The following RAPH1 variants were observed in gnomAD, a reference collection of about 807,000 sequenced individuals.
RAPH1 encodes ras-associated and pleckstrin homology domains-containing protein 1.
RAPH1 carries 18 observed loss-of-function variants against 88.1 expected under a neutral mutation model. That is an observed-to-expected ratio of 0.20 (90% confidence interval 0.14 to 0.30). The LOEUF is 0.30. Ranked by LOEUF, RAPH1 falls within the 10% of genes least tolerant of loss-of-function variation. The pLI is 1.00. For missense variants in RAPH1, 1,448 were observed against 1,543.2 expected (o/e 0.94, Z 1.03); for synonymous variants, 587 against 559.0 (o/e 1.05, Z -0.71).
chr2:203,453,200 G>C (rs2098516275), intron 10 of RAPH1, among the ~76,000 whole-genome samples: 1 of 152,018 alleles, frequency 6.6e-6, no homozygotes, highest in South Asian at 2.1e-4. Context: ...GCACCTAAAG[G>C]TACCTAAAAT....
At chr2:203,510,616 C>G (rs1689292378) in intron 1 of RAPH1, among the ~76,000 whole-genome samples, 1 of 151,934 alleles carries the variant, frequency 6.6e-6, no homozygotes, top group African/African-American at 2.4e-5. Flanking sequence ...AGGGGTCAGG[C>G]AGCCAATATA....
intron 4 of RAPH1, among the ~76,000 whole-genome samples, chr2:203,476,123 A>G (rs770215627): frequency 6.6e-6 from 1 of 152,312 alleles, no homozygotes; most frequent in Non-Finnish European, 1.5e-5. Flanking sequence ...AACCAAAAAT[A>G]TCCAAAATTT....
Position 203,438,914 on chromosome 2 carries a change from A to G in RAPH1, c.*523T>C, listed in dbSNP as rs533178542. Reference sequence around the variant, plus strand: ...CAATTCTAACTTCAGCCAACTGGGGAAAAACAAACACAAAAGCCTTATAGA... The same window carrying G: ...CAATTCTAACTTCAGCCAACTGGGGGAAAACAAACACAAAAGCCTTATAGA... On this transcript the variant is annotated 3_prime_UTR_variant, in exon 14 of 14. Transcript: ENST00000319170. 178 of 154,596 alleles carry G rather than the reference A, an allele frequency of 1.2e-3. No homozygotes were observed. The highest frequency in any genetic ancestry group is 3.1e-3 in the Admixed American group (49 of 15,700). The allele number at this position is 154,596 out of a possible 1,614,324, so 9.6% of individuals were successfully genotyped here.
chr2:203,450,515 A>G (rs2098513960), intron 10 of RAPH1, among the ~76,000 whole-genome samples: 1 of 152,238 alleles, frequency 6.6e-6, no homozygotes. Context: ...AGAAGTATGT[A>G]TTCTTCTATA....
intron 5 of RAPH1, 103 bp downstream of exon 5, chr2:203,461,745 A>T: frequency 2.6e-6 from 2 of 758,552 alleles, no homozygotes; most frequent in Non-Finnish European, 2.1e-6. Flanking sequence ...ATGCCCCTGT[A>T]TCTCTCCATA....
chr2:203,470,702 T>C (rs1328978926), intron 4 of RAPH1, among the ~76,000 whole-genome samples: 1 of 152,242 alleles, frequency 6.6e-6, no homozygotes, highest in African/African-American at 2.4e-5. Flanking sequence ...TGTTAAAGCC[T>C]ATGAAGACCT....
At chr2:203,486,443 C>G (rs1472599254) in intron 4 of RAPH1, among the ~76,000 whole-genome samples, 1 of 152,090 alleles carries the variant, frequency 6.6e-6, no homozygotes, top group African/African-American at 2.4e-5. Context: ...ATATAGACAG[C>G]TATACCCTCC....
chr2:203,439,270 G>T lies in RAPH1; in HGVS notation c.*167C>A. ...ATATGTATACATATATACACACACT[G>T]TACAGCTGTGTGTACATGCACGTGT... On this transcript the variant is annotated 3_prime_UTR_variant, in exon 14 of 14. Coordinates refer to ENST00000319170, the MANE Select transcript of RAPH1 (RefSeq NM_213589.3). 1 of 615,684 alleles carries T rather than the reference G, an allele frequency of 1.6e-6. No homozygotes were observed. Among genetic ancestry groups the T allele is most frequent in the East Asian group, 2.7e-5 (1 of 36,674 alleles). The allele number at this position is 615,684 out of a possible 1,614,324, so 38.1% of individuals were successfully genotyped here.
rs1461103618 is a variant in RAPH1 at position 203,455,572 on chromosome 2, A to G, written c.1167T>C (p.Phe389=). ...RNKEVLLEEC[F]CGSSVTVPEI... ...CTGGTACAGTTACAGAACTTCCACA[A>G]AAACATTCCTAAAATAACAAGATTA... The change falls in exon 9 of 14, where the codon TTT becomes TTC. Residue 389 remains phenylalanine (F), a synonymous_variant. Transcript: ENST00000319170. 2 of 1,610,796 alleles carry G rather than the reference A, an allele frequency of 1.2e-6. No individual in the cohort carries two copies. The highest frequency in any genetic ancestry group is 2.7e-5 in the African/African-American group (2 of 74,756).
intron 4 of RAPH1, among the ~76,000 whole-genome samples, chr2:203,478,651 G>A (rs1302243331): frequency 6.6e-6 from 1 of 151,980 alleles, no homozygotes; most frequent in Non-Finnish European, 1.5e-5. Flanking sequence ...CACCGCACCT[G>A]GCTAGTTTTG....
At chr2:203,504,285 A>G (rs1433641415) in intron 1 of RAPH1, among the ~76,000 whole-genome samples, 1 of 152,154 alleles carries the variant, frequency 6.6e-6, no homozygotes, top group African/African-American at 2.4e-5. Flanking sequence ...AGGTGTTTCT[A>G]TACATCTTCT....
chr2:203,494,637 T>C (rs1269430480), intron 2 of RAPH1, among the ~76,000 whole-genome samples: 1 of 151,560 alleles, frequency 6.6e-6, no homozygotes, highest in East Asian at 1.9e-4. Context: ...TGAAACCCCG[T>C]CTCTACTAAA....
At chr2:203,528,149 G>T (rs1032278178) in intron 1 of RAPH1, among the ~76,000 whole-genome samples, 1 of 152,048 alleles carries the variant, frequency 6.6e-6, no homozygotes, top group African/African-American at 2.4e-5. Context: ...TGCTGTGGCA[G>T]TATGCTACCT....
intron 1 of RAPH1, among the ~76,000 whole-genome samples, chr2:203,517,869 A>ATGCT (rs1441349035): frequency 1.3e-5 from 2 of 152,202 alleles, no homozygotes; most frequent in Non-Finnish European, 2.9e-5. Flanking sequence ...AACAAAAGCA[A>ATGCT]TGCTTAGAGG....
Position 203,438,091 on chromosome 2 carries a change from G to A in RAPH1, c.*1346C>T, listed in dbSNP as rs559507913. 1.6e-5 allele frequency: 8 copies of A among 515,218 alleles called. No individual in the cohort carries two copies. In the East Asian group the frequency reaches 1.6e-4, roughly 11 times the overall value. 31.9% of individuals were successfully genotyped at this position (515,218 alleles called of 1,614,324 possible). On this transcript the variant is annotated 3_prime_UTR_variant, in exon 14 of 14. Transcript: ENST00000319170. Reference sequence around the variant, plus strand: ...ATACCAAACTGCACACGCATAAAACGTAATGTCAGTTACTGGACTTGGACT... The same window carrying A: ...ATACCAAACTGCACACGCATAAAACATAATGTCAGTTACTGGACTTGGACT...
chr2:203,501,278 G>A (rs1206637543), intron 1 of RAPH1, among the ~76,000 whole-genome samples: 1 of 152,188 alleles, frequency 6.6e-6, no homozygotes, highest in African/African-American at 2.4e-5. Context: ...AATGTAAAAT[G>A]GAAAGATAAC....
chr2:203,475,268 G>A (rs570326787), intron 4 of RAPH1, among the ~76,000 whole-genome samples: 2 of 152,092 alleles, frequency 1.3e-5, no homozygotes, highest in African/African-American at 4.8e-5. Context: ...TTAGCTGGGC[G>A]AGGTGGCGGG....
intron 1 of RAPH1, among the ~76,000 whole-genome samples, chr2:203,511,880 G>C (rs776348036): frequency 2.6e-5 from 4 of 152,140 alleles, no homozygotes; most frequent in Non-Finnish European, 5.9e-5. Context: ...GGGAGGCAGA[G>C]GTGGGAGGAT....
chr2:203,457,515 TG>T lies in RAPH1; in HGVS notation c.1158+14del, dbSNP rs768807429. ...TTTAATTTTTAAATGTGCAGGAAAA[TG>T]GGGGTTGTCATACCTCCAAGAGGAC... is the stretch of plus-strand genomic sequence containing the variant. On this transcript the variant is annotated intron_variant, in intron 8 of 13. Coordinates refer to ENST00000319170, the MANE Select transcript of RAPH1 (RefSeq NM_213589.3). The T allele has an allele frequency of 6.2e-6, 10 of 1,605,354 alleles. No homozygotes were observed. In the Admixed American group the frequency reaches 1.5e-4, roughly 24 times the overall value.
Sources: allele counts gnomAD v4.1 joint callset (sites outside exome capture counted in the v4.1 genomes callset), GRCh38; gene constraint gnomAD v4.1.1; transcripts MANE v1.5; gene names NCBI Gene and HGNC (gene_info 2026-07-23, HGNC 2026-07-21).